PPIP5K2: variants seen among roughly 807,000 people sequenced by gnomAD.
The protein encoded by PPIP5K2 is diphosphoinositol pentakisphosphate kinase 2.
PPIP5K2 carries 105 observed loss-of-function variants against 154.6 expected under a neutral mutation model. The ratio of observed to expected loss-of-function variants is 0.68; its 90% CI spans 0.58 to 0.80. The LOEUF (loss-of-function observed/expected upper bound fraction) is 0.80, where lower values mean the gene tolerates loss of function less well. Among genes scored for constraint, PPIP5K2 ranks in the 30% least tolerant of loss-of-function variants. The pLI is 0.00. For missense variants in PPIP5K2, 992 were observed against 1,504.6 expected, an observed-to-expected ratio of 0.66 and a Z score of 5.64; for synonymous variants, 480 against 490.3, an observed-to-expected ratio of 0.98 and a Z score of 0.28.
chr5:103,201,349 T>G (rs1802961215), intron 30 of PPIP5K2, among the ~76,000 whole-genome samples, 173 bp from the exon 31 acceptor site: 1 of 152,222 alleles, frequency 6.6e-6, no homozygotes, highest in African/African-American at 2.4e-5. Flanking sequence ...CTTTCTATAT[T>G]TGTGTTGAAT....
chr5:103,141,809 G>C (rs1792729069), intron 5 of PPIP5K2, among the ~76,000 whole-genome samples: 1 of 152,032 alleles, frequency 6.6e-6, no homozygotes, highest in Non-Finnish European at 1.5e-5. Flanking sequence ...TAGAAATAAA[G>C]GTTCTCCAAG....
At chr5:103,149,631 G>A (rs1238214832) in intron 8 of PPIP5K2, among the ~76,000 whole-genome samples, 2 of 151,532 alleles carry the variant, frequency 1.3e-5, no homozygotes, top group African/African-American at 4.8e-5. Flanking sequence ...TCATAGAATT[G>A]GTAAGATTTT....
chr5:103,137,897 G>A (rs568187407), intron 4 of PPIP5K2, among the ~76,000 whole-genome samples: 3 of 144,110 alleles, frequency 2.1e-5, no homozygotes, highest in Non-Finnish European at 3.1e-5. Flanking sequence ...AAAGCGTACC[G>A]AAAGCCATTT....
In PPIP5K2 at chr5:103,177,652, G is replaced by C; in HGVS notation, c.2530-15G>C. On this transcript the variant is annotated splice_polypyrimidine_tract_variant and intron_variant, in intron 21 of 30. Coordinates refer to ENST00000358359, the MANE Select transcript of PPIP5K2 (RefSeq NM_001276277.3). ...CAGTTTGAGAAAATGATTACCACAT[G>C]TATCTTTTGTTCAGGAATCAAAGGA... 1 of 1,548,358 alleles carries C rather than the reference G, an allele frequency of 6.5e-7. No individual in the cohort carries two copies. The highest frequency in any genetic ancestry group is 8.8e-7 in the Non-Finnish European group (1 of 1,131,140).
chr5:103,152,406 T>C (rs1554211596), intron 9 of PPIP5K2, among the ~76,000 whole-genome samples: 2 of 151,944 alleles, frequency 1.3e-5, no homozygotes, highest in East Asian at 1.9e-4. Context: ...CCAATGTTGA[T>C]TGATATTTTA....
chr5:103,163,728 T>A (rs1377576551), intron 17 of PPIP5K2, among the ~76,000 whole-genome samples: 2 of 151,972 alleles, frequency 1.3e-5, no homozygotes, highest in Non-Finnish European at 2.9e-5. Flanking sequence ...ACGTACTGAA[T>A]TTTATCATAT....
At chr5:103,161,016 T>C (rs556910755) in intron 17 of PPIP5K2, among the ~76,000 whole-genome samples, 3 of 152,036 alleles carry the variant, frequency 2.0e-5, no homozygotes, top group Non-Finnish European at 4.4e-5. Flanking sequence ...CGTGCAGATT[T>C]GTTACATATG....
Position 103,190,962 on chromosome 5 carries a change from C to T in PPIP5K2, c.3473C>T (p.Pro1158Leu), listed in dbSNP as rs1554226743. The T allele has an allele frequency of 6.2e-7, 1 of 1,605,542 alleles. No homozygotes were observed. The highest frequency in any genetic ancestry group is 1.1e-5 in the South Asian group (1 of 89,144). ...ATTGCTTCTCCATCATCTGACGTTC[C>T]ACGGAAGACCGCTGAAATTTGTAGG... Reference protein sequence around the residue: ...ASIASPSSDVPRKTAEISSTA... With the variant: ...ASIASPSSDVLRKTAEISSTA... Residue 1158 changes from proline to leucine, a missense_variant, in exon 29 of 31, where the codon CCA (proline) becomes CTA (leucine). Coordinates refer to ENST00000358359, the MANE Select transcript of PPIP5K2 (RefSeq NM_001276277.3).
intron 19 of PPIP5K2, among the ~76,000 whole-genome samples, chr5:103,171,003 T>C (rs1554219416): frequency 6.6e-6 from 1 of 151,558 alleles, no homozygotes; most frequent in African/African-American, 2.4e-5. Flanking sequence ...CTGGTGTACT[T>C]CAAAATGATA....
chr5:103,194,764 C>A, intron 29 of PPIP5K2, 136 bp from the exon 30 acceptor site: 1 of 923,552 alleles, frequency 1.1e-6, no homozygotes, highest in Non-Finnish European at 1.6e-6. Flanking sequence ...GGTGATTTTG[C>A]TGAATTTACC....
intron 28 of PPIP5K2, chr5:103,189,337 A>G (rs1800867983): frequency 1.2e-6 from 1 of 839,250 alleles, no homozygotes; most frequent in Non-Finnish European, 1.8e-6. Flanking sequence ...GTGGAAAAAA[A>G]TGTAGTCTAG....
At chr5:103,139,290 A>G (rs1792134719) in intron 5 of PPIP5K2, among the ~76,000 whole-genome samples, 1 of 152,076 alleles carries the variant, frequency 6.6e-6, no homozygotes, top group Admixed American at 6.6e-5. Context: ...ACTAGGGGGG[A>G]GGCAGAACAA....
chr5:103,129,958 C>T (rs1051565485), intron 2 of PPIP5K2, among the ~76,000 whole-genome samples: 2 of 151,952 alleles, frequency 1.3e-5, no homozygotes, highest in Non-Finnish European at 2.9e-5. Flanking sequence ...ACAAAAGTGG[C>T]AAAGAGAAAC....
chr5:103,180,456 CT>C (rs1222824379), intron 24 of PPIP5K2, among the ~76,000 whole-genome samples: 22 of 150,526 alleles, frequency 1.5e-4, no homozygotes, highest in East Asian at 5.8e-4. Flanking sequence ...AAAATGAATG[CT>C]TTTTTTTTGT....
intron 30 of PPIP5K2, among the ~76,000 whole-genome samples, chr5:103,196,104 C>T (rs187047246): frequency 1.2e-3 from 190 of 152,224 alleles, no homozygotes; most frequent in Non-Finnish European, 2.3e-3. Context: ...TATACTGTAT[C>T]CAGTGTTCTC....
At chr5:103,168,006 CAT>C (rs1797398921) in intron 18 of PPIP5K2, 64 bp from the exon 19 acceptor site, 3 of 1,008,548 alleles carry the variant, frequency 3.0e-6, no homozygotes, top group East Asian at 2.7e-5. Flanking sequence ...TAATTATTAA[CAT>C]ATTAATATAT....
chr5:103,157,016 C>T (rs550876226), intron 14 of PPIP5K2, among the ~76,000 whole-genome samples: 15 of 152,202 alleles, frequency 9.9e-5, no homozygotes, highest in East Asian at 3.9e-4. Context: ...TCATCAAAAA[C>T]ATTCTATAAG....
intron 24 of PPIP5K2, 80 bp from the exon 25 acceptor site, chr5:103,183,154 G>C (rs1162884074): frequency 9.5e-7 from 1 of 1,050,010 alleles, no homozygotes; most frequent in Admixed American, 6.4e-5. Flanking sequence ...TGGCTCTGTT[G>C]TATCTAACTT....
intron 24 of PPIP5K2, among the ~76,000 whole-genome samples, chr5:103,182,052 T>G (rs1799629079): frequency 6.6e-6 from 1 of 152,136 alleles, no homozygotes; most frequent in Non-Finnish European, 1.5e-5. Context: ...GGGATTATGT[T>G]CAGGTATCCT....
Sources: allele counts gnomAD v4.1 joint callset (sites outside exome capture counted in the v4.1 genomes callset), GRCh38; gene constraint gnomAD v4.1.1; transcripts MANE v1.5; gene names NCBI Gene and HGNC (gene_info 2026-07-23, HGNC 2026-07-21).